RNF150: variants seen among roughly 807,000 people sequenced by gnomAD.
RNF150 encodes the protein ring finger protein 150.
RNF150 carries 24 observed loss-of-function variants against 39.3 expected under a neutral mutation model. The ratio of observed to expected loss-of-function variants is 0.61; its 90% CI spans 0.44 to 0.86. The LOEUF (loss-of-function observed/expected upper bound fraction) is 0.86. RNF150 is among the 40% of genes least tolerant of loss of function. The probability of loss-of-function intolerance (pLI) is 0.00; values close to 1 mark genes in which losing one functional copy is unlikely to be tolerated. For missense variants in RNF150, 502 were observed against 587.8 expected (o/e 0.85, Z 1.51); for synonymous variants, 255 against 227.3 (o/e 1.12, Z -1.10).
chr4:141,123,526 G>C (rs1009554745), intron 1 of RNF150, among the ~76,000 whole-genome samples: 1 of 152,068 alleles, frequency 6.6e-6, no homozygotes, highest in African/African-American at 2.4e-5. Context: ...TGACATCAAG[G>C]CACCAAATGT....
chr4:141,096,399 T>A (rs1227912574), intron 1 of RNF150, among the ~76,000 whole-genome samples: 1 of 151,978 alleles, frequency 6.6e-6, no homozygotes, highest in African/African-American at 2.4e-5. Context: ...GGTTTCACCA[T>A]GTTGGCCAGG....
At chr4:141,145,206 A>C (rs1305681109) in intron 1 of RNF150, among the ~76,000 whole-genome samples, 1 of 152,252 alleles carries the variant, frequency 6.6e-6, no homozygotes, top group Non-Finnish European at 1.5e-5. Flanking sequence ...TGTGTTACAT[A>C]AGTTTTTTAA....
intron 1 of RNF150, among the ~76,000 whole-genome samples, chr4:141,083,413 T>A (rs1452387957): frequency 6.6e-6 from 1 of 152,206 alleles, no homozygotes; most frequent in Non-Finnish European, 1.5e-5. Context: ...TCTCTTGCCC[T>A]CCTCCTCTTC....
At position 140,911,274 on chromosome 4, in the gene RNF150, A is replaced by G; in HGVS notation, c.1068T>C (p.Gly356=). The G allele has an allele frequency of 6.2e-7, 1 of 1,614,100 alleles. No homozygotes were observed. Residue 356 remains glycine, a synonymous_variant, in exon 6 of 7, where the codon GGT becomes GGC. Transcript: ENST00000515673. ...TTTCATTCACTGTTGTGTCGCTGGCACCTGTGATCTGGTTGGTGGGTGGAC... is the reference window on the plus strand; with the variant it reads ...TTTCATTCACTGTTGTGTCGCTGGCGCCTGTGATCTGGTTGGTGGGTGGAC... ...LGGPPTNQIT[G]ASDTTVNESS...
chr4:141,090,286 G>GGTTTAA (rs1236125557), intron 1 of RNF150, among the ~76,000 whole-genome samples: 1 of 152,072 alleles, frequency 6.6e-6, no homozygotes, highest in African/African-American at 2.4e-5. Context: ...GCTTCTACTG[G>GGTTTAA]GTTTAAGTCA....
chr4:141,160,493 T>G (rs1313846343), intron 1 of RNF150, among the ~76,000 whole-genome samples: 1 of 152,220 alleles, frequency 6.6e-6, no homozygotes, highest in Non-Finnish European at 1.5e-5. Flanking sequence ...GTATGTCAAC[T>G]CATAGAAAAA....
intron 4 of RNF150, among the ~76,000 whole-genome samples, chr4:140,936,621 T>C (rs1185952302): frequency 2.0e-5 from 3 of 152,050 alleles, no homozygotes; most frequent in African/African-American, 7.2e-5. Context: ...GTTAATTTTA[T>C]AGCATAAATT....
chr4:141,178,106 AG>A (rs1316423226), intron 1 of RNF150, among the ~76,000 whole-genome samples: 1 of 152,192 alleles, frequency 6.6e-6, no homozygotes, highest in Non-Finnish European at 1.5e-5. Context: ...CATTGAAAAA[AG>A]CACTTAGGAA....
intron 5 of RNF150, among the ~76,000 whole-genome samples, chr4:140,924,267 A>G (rs1425446): frequency 0.32 from 49,279 of 152,076 alleles, 8,424 homozygotes; most frequent in East Asian, 0.69. Flanking sequence ...AATGTTATTC[A>G]TCTTGGAAAT....
chr4:140,935,568 A>T (rs1731832872), intron 4 of RNF150, among the ~76,000 whole-genome samples: 1 of 152,174 alleles, frequency 6.6e-6, no homozygotes, highest in African/African-American at 2.4e-5. Context: ...CAGCACTGCC[A>T]TCTCTTTCAT....
chr4:140,961,532 T>A (rs1393893996), intron 2 of RNF150, among the ~76,000 whole-genome samples: 1 of 152,158 alleles, frequency 6.6e-6, no homozygotes, highest in Non-Finnish European at 1.5e-5. Flanking sequence ...TTAATAAAAA[T>A]AAATGGTTTA....
chr4:141,137,853 T>G (rs557476099), upstream of RNF150, among the ~76,000 whole-genome samples: 24 of 152,298 alleles, frequency 1.6e-4, no homozygotes, highest in African/African-American at 4.6e-4. Flanking sequence ...TGGTGAGTCC[T>G]GGCCTTTGGG....
intron 4 of RNF150, among the ~76,000 whole-genome samples, chr4:140,939,606 T>TTGTGTGTGTG (rs142516967): frequency 1.4e-5 from 2 of 138,588 alleles, no homozygotes; most frequent in African/African-American, 5.4e-5. Flanking sequence ...CAAGTGGAGT[T>TTGTGTGTGTG]TGTGTGTGTG....
chr4:140,940,566 T>G (rs2111355835), intron 4 of RNF150, among the ~76,000 whole-genome samples: 1 of 152,326 alleles, frequency 6.6e-6, no homozygotes, highest in East Asian at 1.9e-4. Flanking sequence ...AGACTTGTTT[T>G]CTGATCCTTG....
intron 1 of RNF150, among the ~76,000 whole-genome samples, chr4:141,111,060 C>T (rs1012789429): frequency 1.3e-5 from 2 of 152,072 alleles, no homozygotes; most frequent in Non-Finnish European, 2.9e-5. Flanking sequence ...AGAGTAAGGA[C>T]AGACCAGGAA....
At chr4:140,971,586 A>G (rs186599859) in intron 1 of RNF150, among the ~76,000 whole-genome samples, 126 of 152,242 alleles carry the variant, frequency 8.3e-4, no homozygotes, top group Non-Finnish European at 1.5e-3. Flanking sequence ...GAAAAGCTCT[A>G]CAGTCAGGGA....
At chr4:141,049,111 A>G (rs1013043097) in intron 1 of RNF150, among the ~76,000 whole-genome samples, 2 of 152,178 alleles carry the variant, frequency 1.3e-5, no homozygotes, top group African/African-American at 4.8e-5. Context: ...TAGTAATAGA[A>G]AGCAAATAGG....
Position 140,926,053 on chromosome 4 carries a change from C to A in RNF150, c.911G>T (p.Cys304Phe). 6.2e-7 allele frequency: 1 copy of A among 1,613,708 alleles called. No homozygotes were observed. Among genetic ancestry groups the A allele is most frequent in the Non-Finnish European group, 8.5e-7 (1 of 1,179,620 alleles). Residue 304 changes from cysteine to phenylalanine, a missense_variant, in exon 5 of 7, where the codon TGT (cysteine) becomes TTT (phenylalanine). By Grantham distance (205) the Cys-to-Phe change is radical. Coordinates refer to ENST00000515673, the MANE Select transcript of RNF150 (RefSeq NM_020724.2). ...ATGGTCTAGAAGCCAGGGGTCAACA[C>A]AGGACTTGTGGAAAAGATGCCTGCA... ...LPCRHLFHKS[C>F]VDPWLLDHRT...
intron 5 of RNF150, among the ~76,000 whole-genome samples, chr4:140,915,796 C>G (rs982848000): frequency 6.6e-6 from 1 of 152,214 alleles, no homozygotes; most frequent in Admixed American, 6.5e-5. Flanking sequence ...AGGCACCCCC[C>G]AGTAGGGGCG....
Sources: allele counts gnomAD v4.1 joint callset (sites outside exome capture counted in the v4.1 genomes callset), GRCh38; gene constraint gnomAD v4.1.1; transcripts MANE v1.5; gene names NCBI Gene and HGNC (gene_info 2026-07-23, HGNC 2026-07-21).